LUZP2: variants seen among roughly 807,000 people sequenced by gnomAD.
The protein encoded by LUZP2 is leucine zipper protein 2.
LUZP2 carries 52 observed loss-of-function variants against 51.6 expected under a neutral mutation model. The ratio of observed to expected loss-of-function variants is 1.01; its 90% confidence interval spans 0.81 to 1.27. The LOEUF is 1.27. LUZP2 is among the 50% of genes most tolerant of loss of function. LUZP2 has a pLI of 0.00. For synonymous variants in LUZP2, 154 were observed against 137.3 expected (o/e 1.12, Z -0.85); for missense variants, 436 against 395.4 (o/e 1.10, Z -0.87).
intron 1 of LUZP2, among the ~76,000 whole-genome samples, chr11:24,634,304 T>C (rs1437959966): frequency 2.0e-5 from 3 of 151,948 alleles, no homozygotes; most frequent in Non-Finnish European, 4.4e-5. Context: ...ATTACAAGGG[T>C]GGTAATGTAT....
intron 4 of LUZP2, among the ~76,000 whole-genome samples, chr11:24,748,576 C>T (rs1334022464): frequency 6.6e-6 from 1 of 152,050 alleles, no homozygotes; most frequent in Non-Finnish European, 1.5e-5. Flanking sequence ...TCTCCTGCCT[C>T]AGCCTCCCTA....
chr11:24,878,579 A>G (rs1335676380), intron 5 of LUZP2, among the ~76,000 whole-genome samples: 1 of 151,970 alleles, frequency 6.6e-6, no homozygotes, highest in Non-Finnish European at 1.5e-5. Context: ...CTTAGCTATT[A>G]ATATCTTTCC....
chr11:24,597,050 A>G (rs1244264890), intron 1 of LUZP2, among the ~76,000 whole-genome samples: 2 of 152,208 alleles, frequency 1.3e-5, no homozygotes, highest in African/African-American at 4.8e-5. Context: ...AATTTCAATA[A>G]AAGAGTGCCA....
intron 5 of LUZP2, among the ~76,000 whole-genome samples, chr11:24,857,290 CATATATATATATACATATATAT>C (rs372085717): frequency 0.13 from 15,738 of 117,782 alleles, 1,098 homozygotes; most frequent in African/African-American, 0.22. Flanking sequence ...TATATATATA[CATATATATATATACATATATAT>C]ACACACACAC....
At chr11:24,575,109 C>T (rs1045486751) in intron 1 of LUZP2, among the ~76,000 whole-genome samples, 2 of 151,930 alleles carry the variant, frequency 1.3e-5, no homozygotes, top group African/African-American at 2.4e-5. Flanking sequence ...TAAGCTTCGA[C>T]CATTTCAAAT....
At chr11:24,687,090 A>C (rs1303546602) in intron 1 of LUZP2, among the ~76,000 whole-genome samples, 1 of 151,262 alleles carries the variant, frequency 6.6e-6, no homozygotes, top group East Asian at 1.9e-4. Flanking sequence ...TTGTCCATGC[A>C]GCTAAATTTG....
chr11:25,076,658 G>A (rs1411242488), intron 10 of LUZP2, among the ~76,000 whole-genome samples: 3 of 145,180 alleles, frequency 2.1e-5, no homozygotes, highest in Non-Finnish European at 3.0e-5. Flanking sequence ...AGGAAGGGAG[G>A]GAGGGAAGGA....
intron 5 of LUZP2, among the ~76,000 whole-genome samples, chr11:24,818,818 T>C (rs1297699914): frequency 6.6e-6 from 1 of 152,038 alleles, no homozygotes; most frequent in Non-Finnish European, 1.5e-5. Flanking sequence ...TATTTTTAAC[T>C]CCTAATCATA....
chr11:24,542,977 C>T lies in LUZP2; in HGVS notation c.62+45672C>T, dbSNP rs572365332. ...AATGGAATTGAAGGTGAAATGAGGACATGTGAAACACCAAGGTTTACTACA... is the reference window on the plus strand; with the variant it reads ...AATGGAATTGAAGGTGAAATGAGGATATGTGAAACACCAAGGTTTACTACA... On this transcript the variant is annotated intron_variant, in intron 1 of 11. Transcript: ENST00000336930. Among the ~76,000 whole-genome samples the T allele has an allele frequency of 1.6e-4, 24 of 149,042 alleles. No individual in the cohort carries two copies. The South Asian group carries it at 4.9e-3, about 30-fold the overall frequency.
chr11:24,707,728 G>T (rs950182269), intron 1 of LUZP2, among the ~76,000 whole-genome samples: 1 of 152,138 alleles, frequency 6.6e-6, no homozygotes, highest in African/African-American at 2.4e-5. Context: ...TGAATTTGAT[G>T]ATACTCACCA....
At chr11:24,567,878 A>G (rs558131318) in intron 1 of LUZP2, among the ~76,000 whole-genome samples, 2 of 152,296 alleles carry the variant, frequency 1.3e-5, no homozygotes, top group South Asian at 4.1e-4. Flanking sequence ...CAATACAGGA[A>G]TTATAATCCA....
At chr11:24,764,695 GAAC>G (rs532219548) in intron 5 of LUZP2, among the ~76,000 whole-genome samples, 1 of 151,598 alleles carries the variant, frequency 6.6e-6, no homozygotes, top group South Asian at 2.1e-4. Flanking sequence ...ATAAAAATTA[GAAC>G]AACAACAAAA....
At chr11:24,797,245 A>G (rs1849571949) in intron 5 of LUZP2, among the ~76,000 whole-genome samples, 2 of 152,082 alleles carry the variant, frequency 1.3e-5, no homozygotes. Context: ...AGTCAAACAC[A>G]TGATATCCTG....
chr11:24,530,610 T>A (rs10767202), intron 1 of LUZP2, among the ~76,000 whole-genome samples: 28,430 of 150,526 alleles, frequency 0.19, 4,624 homozygotes, highest in African/African-American at 0.44. Flanking sequence ...TTTGCTACCA[T>A]GTCCAGTATG....
chr11:24,865,170 C>T (rs966119388), intron 5 of LUZP2, among the ~76,000 whole-genome samples: 1 of 152,176 alleles, frequency 6.6e-6, no homozygotes, highest in Non-Finnish European at 1.5e-5. Context: ...ACAGCTGTGC[C>T]ATGTACTACT....
chr11:24,906,388 G>C (rs533465579), intron 6 of LUZP2, among the ~76,000 whole-genome samples: 1 of 144,594 alleles, frequency 6.9e-6, no homozygotes, highest in South Asian at 2.2e-4. Flanking sequence ...CCCCTCTCTT[G>C]TACTTTCTAT....
intron 7 of LUZP2, among the ~76,000 whole-genome samples, chr11:24,936,385 T>A (rs980611458): frequency 3.3e-5 from 5 of 152,172 alleles, no homozygotes. Context: ...CAGATTAATT[T>A]ATTATATAAA....
At chr11:24,921,128 G>A (rs1019726505) in intron 7 of LUZP2, among the ~76,000 whole-genome samples, 2 of 152,022 alleles carry the variant, frequency 1.3e-5, no homozygotes, top group African/African-American at 2.4e-5. Flanking sequence ...GGACACAGGT[G>A]GAGTGGTTTT....
At chr11:24,765,975 G>A in intron 5 of LUZP2, among the ~76,000 whole-genome samples, 1 of 151,948 alleles carries the variant, frequency 6.6e-6, no homozygotes, top group East Asian at 1.9e-4. Flanking sequence ...TGCCCAGGTG[G>A]GTCTTGCATT....
Sources: allele counts gnomAD v4.1 joint callset (sites outside exome capture counted in the v4.1 genomes callset), GRCh38; gene constraint gnomAD v4.1.1; transcripts MANE v1.5; gene names NCBI Gene and HGNC (gene_info 2026-07-23, HGNC 2026-07-21).